The following CPM variants were observed in gnomAD, a reference collection of about 807,000 sequenced individuals.
CPM encodes carboxypeptidase M, also known as renal carboxypeptidase.
A neutral mutation model predicts 46.4 loss-of-function variants in CPM; 35 were observed. The observed-to-expected ratio is 0.75, with a 90% confidence interval of 0.58 to 1.00. The LOEUF (loss-of-function observed/expected upper bound fraction) is 1.00. CPM is among the 50% of genes least tolerant of loss of function. The probability of loss-of-function intolerance (pLI) is 0.00; values close to 1 mark genes in which losing one functional copy is unlikely to be tolerated. For synonymous variants in CPM, 195 were observed against 195.3 expected, an observed-to-expected ratio of 1.00 and a Z score of 0.01; for missense variants, 422 against 530.4, an observed-to-expected ratio of 0.80 and a Z score of 2.01.
chr12:68,902,650 T>A (rs947063110), intron 2 of CPM, among the ~76,000 whole-genome samples: 1 of 152,180 alleles, frequency 6.6e-6, no homozygotes, highest in African/African-American at 2.4e-5. Flanking sequence ...TTTACATAAT[T>A]TCCAAAGTGC....
In CPM at chr12:68,871,723, G is replaced by T. The variant is rs1001384518; in HGVS notation, c.431+61C>A. On this transcript the variant is annotated intron_variant, in intron 4 of 8. Transcript: ENST00000551568. ...TCTCCTCTTGCCAAGGCCAACAGGTGCCTGTCGGGAGCCTTTGTGTTGTGT... is the reference window on the plus strand; with the variant it reads ...TCTCCTCTTGCCAAGGCCAACAGGTTCCTGTCGGGAGCCTTTGTGTTGTGT... 10 of 1,564,722 alleles carry T rather than the reference G, an allele frequency of 6.4e-6. No individual in the cohort carries two copies. In the African/African-American group the frequency reaches 1.2e-4, roughly 19 times the overall value.
At position 68,900,326 on chromosome 12, in the gene CPM, A is replaced by G. The variant is rs147450404; in HGVS notation, c.161-14437T>C. ...TCATCAGGGAAAGGCAAATTAAAAC[A>G]ACAATGAGATATCAATGCATTCCTA... is the stretch of plus-strand genomic sequence containing the variant. On this transcript the variant is annotated intron_variant, in intron 2 of 8. Transcript: ENST00000551568. 6.7e-4 allele frequency among the ~76,000 whole-genome samples: 102 copies of G among 152,340 alleles called. 3 individuals carry two copies. The East Asian group carries it at 0.018, about 26-fold the overall frequency.
chr12:68,864,378 G>C (rs1177937942), intron 7 of CPM, among the ~76,000 whole-genome samples: 2 of 150,606 alleles, frequency 1.3e-5, no homozygotes, highest in African/African-American at 4.9e-5. Flanking sequence ...GGAGGCGGAG[G>C]TTACAGTGAG....
chr12:68,909,377 T>C (rs1243369589), intron 2 of CPM, among the ~76,000 whole-genome samples: 1 of 152,170 alleles, frequency 6.6e-6, no homozygotes, highest in Non-Finnish European at 1.5e-5. Flanking sequence ...AATGGAGATT[T>C]TTTTTTTCAC....
chr12:68,948,014 G>A (rs1040293942), intron 1 of CPM, among the ~76,000 whole-genome samples: 3 of 151,980 alleles, frequency 2.0e-5, no homozygotes, highest in Non-Finnish European at 4.4e-5. Flanking sequence ...AAACAAATAA[G>A]ACCCAAACTT....
intron 8 of CPM, among the ~76,000 whole-genome samples, chr12:68,858,701 T>C (rs1036145240): frequency 4.0e-5 from 6 of 151,420 alleles, no homozygotes; most frequent in South Asian, 2.1e-4. Flanking sequence ...TTTTTAAAAA[T>C]TGCCATCAGG....
chr12:68,879,448 C>T (rs904615621), intron 3 of CPM, among the ~76,000 whole-genome samples: 2 of 152,104 alleles, frequency 1.3e-5, no homozygotes, highest in African/African-American at 2.4e-5. Flanking sequence ...ACTGCAGCCT[C>T]GACCTCCCAG....
chr12:68,852,106 A>G lies in CPM; in HGVS notation c.*4331T>C, dbSNP rs1024293236. On this transcript the variant is annotated 3_prime_UTR_variant, in exon 9 of 9. Transcript: ENST00000551568. ...TTTTAGAAACAGATCACAAATGCAA[A>G]TTTGCTTCTGGAACAAAACATAACA... The G allele has an allele frequency of 2.6e-5, 4 of 152,200 alleles. No homozygotes were observed. Among genetic ancestry groups the G allele is most frequent in the Admixed American group, 6.5e-5 (1 of 15,288 alleles). The allele number at this position is 152,200 out of a possible 1,614,324, so 9.4% of individuals were successfully genotyped here.
At chr12:68,950,038 T>C (rs956026476) in intron 1 of CPM, among the ~76,000 whole-genome samples, 31 of 152,200 alleles carry the variant, frequency 2.0e-4, no homozygotes, top group African/African-American at 7.2e-4. Flanking sequence ...GAGGATGCAG[T>C]GTGCTTGGGC....
At chr12:68,847,113 T>TAA (rs1884347264), downstream of CPM, 1 of 144,654 alleles carries the variant, frequency 6.9e-6, no homozygotes, top group Non-Finnish European at 1.5e-5. Context: ...CATGCCTGGC[T>TAA]AATATATATA....
At chr12:68,903,687 A>G (rs1887210771) in intron 2 of CPM, among the ~76,000 whole-genome samples, 1 of 152,222 alleles carries the variant, frequency 6.6e-6, no homozygotes, top group Admixed American at 6.5e-5. Flanking sequence ...AAAGGACATG[A>G]GGCACATTGC....
Position 68,855,069 on chromosome 12 carries a change from AG to A in CPM, c.*1367del, listed in dbSNP as rs1164051924. ...GAGATGGGGTTTCACCATGTTGGCC[AG>A]GCTGGTCTTGAGCTCCTGACCTCAA... On this transcript the variant is annotated 3_prime_UTR_variant, in exon 9 of 9. Transcript: ENST00000551568. 2 of 151,008 alleles carry A rather than the reference AG, an allele frequency of 1.3e-5. No homozygotes were observed. Among genetic ancestry groups the A allele is most frequent in the African/African-American group, 4.9e-5 (2 of 40,944 alleles). The allele number at this position is 151,008 out of a possible 1,614,324, so 9.4% of individuals were successfully genotyped here. A position where few individuals can be genotyped will look rare whatever the true frequency, so the allele number is the denominator to read the frequency against.
intron 3 of CPM, among the ~76,000 whole-genome samples, chr12:68,874,336 C>T (rs1459525593): frequency 6.6e-6 from 1 of 151,816 alleles, no homozygotes; most frequent in East Asian, 2.0e-4. Flanking sequence ...TGAAAAGGGG[C>T]TGGGCGTGGA....
chr12:68,920,886 C>T (rs1221158303), intron 2 of CPM, among the ~76,000 whole-genome samples: 3 of 148,586 alleles, frequency 2.0e-5, no homozygotes, highest in African/African-American at 2.5e-5. Context: ...TTTTTTAGTA[C>T]ACACGGGGTT....
At chr12:68,867,212 C>T (rs1197942435) in intron 6 of CPM, among the ~76,000 whole-genome samples, 164 bp from the exon 7 acceptor site, 2 of 152,162 alleles carry the variant, frequency 1.3e-5, no homozygotes, top group Admixed American at 1.3e-4. Context: ...ATTACCCAGG[C>T]GTGACTAGAC....
intron 1 of CPM, among the ~76,000 whole-genome samples, chr12:68,942,002 G>T (rs957746283): frequency 6.6e-6 from 1 of 152,352 alleles, no homozygotes; most frequent in East Asian, 1.9e-4. Context: ...TACCACGGGT[G>T]ATGTCTAAAC....
intron 2 of CPM, among the ~76,000 whole-genome samples, chr12:68,894,028 A>C (rs1161270909): frequency 6.6e-6 from 1 of 152,050 alleles, no homozygotes; most frequent in Non-Finnish European, 1.5e-5. Context: ...GCTGGTTGTT[A>C]CCAGGGACTA....
chr12:68,843,738 A>T (rs543869982), intron 5 of CPM: 1 of 222,306 alleles, frequency 4.5e-6, no homozygotes, highest in Non-Finnish European at 9.0e-6. Context: ...TAAATGGCCA[A>T]AGGGATTAGT....
chr12:68,911,447 C>T (rs1005070427), intron 2 of CPM, among the ~76,000 whole-genome samples: 29 of 152,186 alleles, frequency 1.9e-4, no homozygotes, highest in African/African-American at 7.0e-4. Flanking sequence ...GGGCAAGTTA[C>T]TTAACCACTG....
Sources: gnomAD v4.1 joint callset for allele counts (sites outside exome capture counted in the v4.1 genomes callset) on GRCh38, gnomAD v4.1.1 for gene constraint, MANE v1.5 for transcripts, NCBI Gene and HGNC (gene_info 2026-07-23, HGNC 2026-07-21) for gene names.